CLCN6: variants seen among roughly 807,000 people sequenced by gnomAD.
CLCN6 encodes H(+)/Cl(-) exchange transporter 6.
A neutral mutation model predicts 109.8 loss-of-function variants in CLCN6; 70 were observed. The observed-to-expected ratio is 0.64, with a 90% CI of 0.53 to 0.78. CLCN6 has a LOEUF of 0.78. Among genes scored for constraint, CLCN6 ranks in the 30% least tolerant of loss-of-function variants. CLCN6 has a pLI of 0.00. For synonymous variants in CLCN6, 444 were observed against 447.8 expected, an observed-to-expected ratio of 0.99 and a Z score of 0.11; for missense variants, 984 against 1,142.3, an observed-to-expected ratio of 0.86 and a Z score of 2.00.
At chr1:11,825,646 G>A (rs192122323) in intron 8 of CLCN6, among the ~76,000 whole-genome samples, 6 of 152,148 alleles carry the variant, frequency 3.9e-5, no homozygotes, top group Admixed American at 1.3e-4. Flanking sequence ...TTTTTGAGAC[G>A]GAGTCTCACT....
intron 6 of CLCN6, among the ~76,000 whole-genome samples, chr1:11,823,477 C>CTAA (rs1644771809): frequency 7.0e-6 from 1 of 142,708 alleles, no homozygotes. Flanking sequence ...AACTCTACCT[C>CTAA]AAAAAAAAAA....
Position 11,828,118 on chromosome 1 carries a change from A to G in CLCN6, c.853A>G (p.Met285Val). The G allele has an allele frequency of 2.5e-6, 4 of 1,613,948 alleles. No individual in the cohort carries two copies. The highest frequency in any genetic ancestry group is 1.1e-5 in the South Asian group (1 of 91,072). ...GLTWKVLFCS[M>V]SATFTLNFFR... ...ACCTCTCCCCTAGCTCTTTTGTTCC[A>G]TGTCTGCCACCTTCACCCTCAACTT... is the stretch of plus-strand genomic sequence containing the variant. Residue 285 changes from methionine to valine, a missense_variant, in exon 11 of 23, where the codon ATG (methionine) becomes GTG (valine). Physicochemically the swap from Met to Val is conservative, Grantham distance 21. Coordinates refer to ENST00000346436, the MANE Select transcript of CLCN6 (RefSeq NM_001286.5).
intron 10 of CLCN6, among the ~76,000 whole-genome samples, chr1:11,827,703 G>A (rs533079445): frequency 5.9e-5 from 9 of 152,270 alleles, no homozygotes; most frequent in Non-Finnish European, 1.0e-4. Flanking sequence ...ACCACGCCTG[G>A]CCTTGTTATC....
At chr1:11,828,009 G>A in intron 10 of CLCN6, 97 bp from the exon 11 acceptor site, 1 of 858,846 alleles carries the variant, frequency 1.2e-6, no homozygotes, top group Non-Finnish European at 1.9e-6. Flanking sequence ...GATTCCGGAG[G>A]TCTCTGCGTA....
chr1:11,836,415 T>C (rs1644950759), intron 18 of CLCN6, among the ~76,000 whole-genome samples: 1 of 152,184 alleles, frequency 6.6e-6, no homozygotes, highest in African/African-American at 2.4e-5. Flanking sequence ...ATGGTTTGTT[T>C]ACCATGTGAG....
chr1:11,819,541 A>G lies in CLCN6; in HGVS notation c.333A>G (p.Gly111=), dbSNP rs1355065125. ...GACTCTTCACCCAACTCAAGTTCGG[A>G]GTGGTACAGACATGTATCCTTTTCA... The part of the protein sequence containing the change: ...FVRLFTQLKF[G]VVQTSVEECS... The change falls in exon 5 of 23, where the codon GGA becomes GGG. Residue 111 remains glycine (G), a synonymous_variant. Transcript: ENST00000346436. 1.2e-6 allele frequency: 2 copies of G among 1,614,122 alleles called. No individual in the cohort carries two copies. The highest frequency in any genetic ancestry group is 1.7e-6 in the Non-Finnish European group (2 of 1,180,018).
At chr1:11,836,942 C>T (rs777571669) in intron 18 of CLCN6, 57 bp from the exon 19 acceptor site, 1 of 1,586,012 alleles carries the variant, frequency 6.3e-7, no homozygotes, top group Admixed American at 1.7e-5. Context: ...TAAGCTCCAT[C>T]AGTACTGCTG....
chr1:11,809,303 T>C (rs919695088), intron 2 of CLCN6, among the ~76,000 whole-genome samples: 1 of 152,216 alleles, frequency 6.6e-6, no homozygotes, highest in African/African-American at 2.4e-5. Context: ...TCACCAGGAC[T>C]GAGACTGTCT....
chr1:11,838,859 G>A (rs1399973615), intron 22 of CLCN6, 199 bp downstream of exon 22: 10 of 782,066 alleles, frequency 1.3e-5, no homozygotes, highest in East Asian at 2.7e-5. Context: ...TGGCACCAGC[G>A]TCCCACTGGC....
chr1:11,811,404 C>T (rs1476814551), intron 2 of CLCN6, among the ~76,000 whole-genome samples: 4 of 145,390 alleles, frequency 2.8e-5, no homozygotes, highest in African/African-American at 1.0e-4. Context: ...TTTTTTGAGA[C>T]GGAGTTTCGC....
At chr1:11,826,950 T>C in intron 9 of CLCN6, 139 bp from the exon 10 acceptor site, 11 of 1,059,744 alleles carry the variant, frequency 1.0e-5, no homozygotes, top group Non-Finnish European at 1.5e-5. Flanking sequence ...AAAGGCTGCC[T>C]CACCAGTGAC....
chr1:11,818,763 A>G (rs189792205), intron 4 of CLCN6, among the ~76,000 whole-genome samples: 3 of 152,350 alleles, frequency 2.0e-5, no homozygotes, highest in East Asian at 3.9e-4. Context: ...CAGAGTAACT[A>G]TGGACTATAA....
At chr1:11,811,574 G>T (rs1644599938) in intron 2 of CLCN6, among the ~76,000 whole-genome samples, 1 of 152,114 alleles carries the variant, frequency 6.6e-6, no homozygotes, top group East Asian at 1.9e-4. Context: ...TAGAGACGAG[G>T]CTTCTCCATG....
At chr1:11,818,781 A>G (rs940405864) in intron 4 of CLCN6, among the ~76,000 whole-genome samples, 1 of 152,218 alleles carries the variant, frequency 6.6e-6, no homozygotes, top group African/African-American at 2.4e-5. Flanking sequence ...TAAGATGGTT[A>G]TAAGTCAAGC....
rs748182921 is a variant in CLCN6 at position 11,833,857 on chromosome 1, G to T, written c.1373-20G>T. ...GGCAGGCATCCGGTAGTGGGACTCA[G>T]GTTGGCTCTTCCCTTGCAGGTACTT... is the stretch of plus-strand genomic sequence containing the variant. On this transcript the variant is annotated intron_variant, in intron 14 of 22. Coordinates refer to ENST00000346436, the MANE Select transcript of CLCN6 (RefSeq NM_001286.5). 1 of 1,603,928 alleles carries T rather than the reference G, an allele frequency of 6.2e-7. No individual in the cohort carries two copies. The highest frequency in any genetic ancestry group is 8.5e-7 in the Non-Finnish European group (1 of 1,175,074).
At chr1:11,808,058 T>C (rs1181031512) in intron 2 of CLCN6, among the ~76,000 whole-genome samples, 1 of 152,214 alleles carries the variant, frequency 6.6e-6, no homozygotes, top group African/African-American at 2.4e-5. Flanking sequence ...ACTTTTATTA[T>C]GAAGGATTTC....
intron 8 of CLCN6, 87 bp from the exon 9 acceptor site, chr1:11,826,069 T>C: frequency 3.4e-6 from 3 of 882,232 alleles, no homozygotes; most frequent in South Asian, 1.6e-5. Context: ...CCTGTGTTCT[T>C]TTTTTTTTTT....
Position 11,810,873 on chromosome 1 carries a change from C to T in CLCN6, c.147+3683C>T, listed in dbSNP as rs141202441. Among the ~76,000 whole-genome samples the T allele has an allele frequency of 2.1e-4, 32 of 152,262 alleles. No homozygotes were observed. The East Asian group carries it at 5.8e-3, about 28-fold the overall frequency. On this transcript the variant is annotated intron_variant, in intron 2 of 22. Transcript: ENST00000346436. ...TTAAAGCCAGGAGTTCAAGACCATC[C>T]TGGGCAATAAAGTGAGACTTTGTTC...
intron 13 of CLCN6, 111 bp downstream of exon 13, chr1:11,829,433 C>A: frequency 1.6e-6 from 2 of 1,266,320 alleles, no homozygotes; most frequent in South Asian, 1.3e-5. Flanking sequence ...TCCTTCCACA[C>A]CCATTACCTG....
Sources: gnomAD v4.1 joint callset for allele counts (sites outside exome capture counted in the v4.1 genomes callset) on GRCh38, gnomAD v4.1.1 for gene constraint, MANE v1.5 for transcripts, NCBI Gene and HGNC (gene_info 2026-07-23, HGNC 2026-07-21) for gene names.